The following CEP128 variants were observed in gnomAD, a reference collection of about 807,000 sequenced individuals.
CEP128 encodes centrosomal protein 128kDa.
Under a neutral mutation model 156.7 loss-of-function variants are expected in CEP128, and 132 were observed. The observed-to-expected ratio is 0.84, with a 90% CI of 0.73 to 0.97. The LOEUF is 0.97. Ranked by LOEUF, CEP128 falls within the 50% of genes least tolerant of loss-of-function variation. The pLI is 0.00. For synonymous variants in CEP128, 469 were observed against 448.9 expected, an observed-to-expected ratio of 1.04 and a Z score of -0.57; for missense variants, 1,252 against 1,281.9, an observed-to-expected ratio of 0.98 and a Z score of 0.36.
intron 14 of CEP128, among the ~76,000 whole-genome samples, chr14:80,485,210 C>A (rs1247218058): frequency 6.6e-6 from 1 of 152,040 alleles, no homozygotes; most frequent in African/African-American, 2.4e-5. Flanking sequence ...CACACAAGAT[C>A]CTTGCTTCTG....
intron 13 of CEP128, among the ~76,000 whole-genome samples, chr14:80,809,432 C>T (rs1884376679): frequency 6.6e-6 from 1 of 152,008 alleles, no homozygotes; most frequent in Admixed American, 6.6e-5. Context: ...GAAAGTGATT[C>T]AAAAACCTAC....
intron 20 of CEP128, among the ~76,000 whole-genome samples, chr14:80,569,393 T>C (rs1301046718): frequency 6.6e-6 from 1 of 152,204 alleles, no homozygotes; most frequent in South Asian, 2.1e-4. Context: ...GTAAGTGATC[T>C]TAAATTCCAA....
intron 21 of CEP128, among the ~76,000 whole-genome samples, chr14:80,554,658 T>C (rs1890351977): frequency 6.6e-6 from 1 of 152,116 alleles, no homozygotes; most frequent in Non-Finnish European, 1.5e-5. Context: ...CAGAACACTT[T>C]GTTATGTGGT....
intron 2 of CEP128, among the ~76,000 whole-genome samples, chr14:80,937,979 C>G (rs893426960): frequency 2.6e-5 from 4 of 152,012 alleles, no homozygotes; most frequent in African/African-American, 9.7e-5. Context: ...TCACTGCAGC[C>G]TCGACCTTCT....
intron 19 of CEP128, among the ~76,000 whole-genome samples, chr14:80,676,757 C>T (rs1455358790): frequency 6.6e-6 from 1 of 152,096 alleles, no homozygotes; most frequent in Non-Finnish European, 1.5e-5. Flanking sequence ...TGGAATTAAT[C>T]AGATGTTTTA....
rs74064285 is a variant in CEP128, at chr14:80,581,723, G to A, written c.2807-1300C>T. 5.0e-3 allele frequency among the ~76,000 whole-genome samples: 760 copies of A among 152,290 alleles called. 13 individuals are homozygous for A. The highest frequency in any genetic ancestry group is 0.017 in the African/African-American group (716 of 41,564). ...AAAGAGCAGGCCAGTGTTTTGGGGT[G>A]TATTTTTAAAGGGGTTTTGATTGGC... On this transcript the variant is annotated intron_variant, in intron 19 of 24. Transcript: ENST00000555265.
chr14:80,626,280 A>C (rs937644615), intron 19 of CEP128, among the ~76,000 whole-genome samples: 2 of 151,402 alleles, frequency 1.3e-5, no homozygotes, highest in Non-Finnish European at 2.9e-5. Flanking sequence ...CTGGCTAACA[A>C]GGTGAAACCC....
At chr14:80,480,104 T>C (rs1887022603) in intron 14 of CEP128, among the ~76,000 whole-genome samples, 1 of 152,124 alleles carries the variant, frequency 6.6e-6, no homozygotes, top group Non-Finnish European at 1.5e-5. Context: ...AGGCACACGG[T>C]GCAAGCTGTT....
intron 8 of CEP128, among the ~76,000 whole-genome samples, chr14:80,865,282 A>G (rs918354874): frequency 2.6e-4 from 40 of 152,358 alleles, no homozygotes; most frequent in African/African-American, 9.4e-4. Flanking sequence ...AAATTGAACA[A>G]TATTCCATTG....
rs571787526 is a variant in CEP128, at chr14:80,596,042, A to G, written c.2807-15619T>C. The stretch of plus-strand genomic sequence containing the variant: ...ATTTGGGTGGGGACAGAGCCAAACC[A>G]TATCAGCAGGGAAAAAAAAAAAAAA... On this transcript the variant is annotated intron_variant, in intron 19 of 24. Transcript: ENST00000555265. 2.5e-4 allele frequency among the ~76,000 whole-genome samples: 34 copies of G among 138,038 alleles called. No homozygotes were observed. In the East Asian group the frequency reaches 6.9e-3, roughly 28 times the overall value. The allele number at this position is 138,038 out of a possible 152,430, so 90.6% of individuals were successfully genotyped here.
chr14:80,590,410 G>T (rs10873331), intron 19 of CEP128, among the ~76,000 whole-genome samples: 86,423 of 151,770 alleles, frequency 0.57, 24,887 homozygotes, highest in East Asian at 0.72. Context: ...ATAATAAAAT[G>T]CTCATTAGAA....
intron 19 of CEP128, among the ~76,000 whole-genome samples, chr14:80,697,557 T>G (rs968298433): frequency 6.6e-6 from 1 of 152,102 alleles, no homozygotes; most frequent in Non-Finnish European, 1.5e-5. Flanking sequence ...TAAGAAGGCA[T>G]AGCAATTTCT....
chr14:80,749,807 G>T (rs1253681347), intron 18 of CEP128, among the ~76,000 whole-genome samples: 1 of 152,112 alleles, frequency 6.6e-6, no homozygotes, highest in East Asian at 1.9e-4. Context: ...AAGTGCTTAA[G>T]GTGATAGATA....
At position 80,657,519 on chromosome 14, in the gene CEP128, T is replaced by C. The variant is rs1201625662; in HGVS notation, c.2807-77096A>G. On this transcript the variant is annotated intron_variant, in intron 19 of 24. Transcript: ENST00000555265. ...TACAAAAATTAGCCAGAAGTGGTGG[T>C]GCGCGCCTGTAATCCCAGGTACTCG... 2.6e-5 allele frequency among the ~76,000 whole-genome samples: 4 copies of C among 151,844 alleles called. No individual in the cohort carries two copies. The South Asian group carries it at 6.2e-4, about 24-fold the overall frequency.
chr14:80,652,030 A>G lies in CEP128; in HGVS notation c.2807-71607T>C, dbSNP rs565322753. Reference sequence around the variant, plus strand: ...CAGTGGGGTGTTAAAGTCTCCCACTATTATGGTGTGGGAGCCTGACCATCG... The same window carrying G: ...CAGTGGGGTGTTAAAGTCTCCCACTGTTATGGTGTGGGAGCCTGACCATCG... On this transcript the variant is annotated intron_variant, in intron 19 of 24. Transcript: ENST00000555265. Among the ~76,000 whole-genome samples the G allele has an allele frequency of 6.6e-5, 10 of 152,132 alleles. No homozygotes were observed. In the East Asian group the frequency reaches 1.5e-3, roughly 24 times the overall value.
chr14:80,863,213 T>A (rs991141404), intron 8 of CEP128, among the ~76,000 whole-genome samples: 2 of 152,192 alleles, frequency 1.3e-5, no homozygotes, highest in Non-Finnish European at 2.9e-5. Context: ...AAATACCAAT[T>A]TTGCTAAAAA....
At chr14:80,891,650 G>A (rs1889106520) in intron 8 of CEP128, among the ~76,000 whole-genome samples, 1 of 150,412 alleles carries the variant, frequency 6.6e-6, no homozygotes, top group South Asian at 2.1e-4. Context: ...CACTACCATA[G>A]TCAATATGAA....
At chr14:80,861,442 A>T (rs1887507087) in intron 9 of CEP128, among the ~76,000 whole-genome samples, 1 of 152,108 alleles carries the variant, frequency 6.6e-6, no homozygotes, top group African/African-American at 2.4e-5. Context: ...CCAGTAATGT[A>T]ACAAATCAAC....
intron 16 of CEP128, among the ~76,000 whole-genome samples, chr14:80,762,318 G>C (rs941827484): frequency 2.6e-5 from 4 of 152,042 alleles, no homozygotes; most frequent in Non-Finnish European, 4.4e-5. Context: ...CATAGGGCTT[G>C]TAATAAAATA....
Sources: allele counts gnomAD v4.1 joint callset (sites outside exome capture counted in the v4.1 genomes callset), GRCh38; gene constraint gnomAD v4.1.1; transcripts MANE v1.5; gene names NCBI Gene and HGNC (gene_info 2026-07-23, HGNC 2026-07-21).